The following PCNX2 variants were observed in gnomAD, a reference collection of about 807,000 sequenced individuals.
The protein encoded by PCNX2 is pecanex-like protein 2.
PCNX2 carries 168 observed loss-of-function variants against 223.8 expected under a neutral mutation model. That is an observed-to-expected ratio of 0.75 (90% confidence interval 0.66 to 0.85). The LOEUF (loss-of-function observed/expected upper bound fraction) is 0.85, where lower values mean the gene tolerates loss of function less well. PCNX2 is among the 40% of genes least tolerant of loss of function. The pLI is 0.00. For missense variants in PCNX2, 2,507 were observed against 2,675.5 expected, an observed-to-expected ratio of 0.94 and a Z score of 1.39; for synonymous variants, 1,006 against 1,052.6, an observed-to-expected ratio of 0.96 and a Z score of 0.86.
At chr1:233,238,973 TAA>T (rs1658592223) in intron 8 of PCNX2, among the ~76,000 whole-genome samples, 4 of 152,200 alleles carry the variant, frequency 2.6e-5, no homozygotes, top group Non-Finnish European at 2.9e-5. Context: ...GTTAGATTTA[TAA>T]AAACAATGTT....
At chr1:233,183,358 C>A (rs1424393433) in intron 15 of PCNX2, among the ~76,000 whole-genome samples, 2 of 152,190 alleles carry the variant, frequency 1.3e-5, no homozygotes, top group African/African-American at 2.4e-5. Flanking sequence ...CGGTACCTGG[C>A]ACAAATGTTA....
At chr1:233,103,471 TTCTCTA>T (rs1222141147) in intron 21 of PCNX2, among the ~76,000 whole-genome samples, 2 of 152,252 alleles carry the variant, frequency 1.3e-5, no homozygotes, top group East Asian at 1.9e-4. Flanking sequence ...CATCCTTCTA[TTCTCTA>T]TCTCTAAGAG....
chr1:233,018,306 A>G (rs1445799016), intron 26 of PCNX2, among the ~76,000 whole-genome samples: 30 of 151,972 alleles, frequency 2.0e-4, no homozygotes, highest in Admixed American at 2.0e-3. Flanking sequence ...TACAGGGGTG[A>G]TCCACTGTGC....
In PCNX2 at chr1:233,258,606, C is replaced by G; in HGVS notation, c.1256G>C (p.Gly419Ala). The G allele has an allele frequency of 3.7e-6, 6 of 1,613,958 alleles. No individual in the cohort carries two copies. Among genetic ancestry groups the G allele is most frequent in the Non-Finnish European group, 5.1e-6 (6 of 1,179,868 alleles). Residue 419 changes from glycine to alanine, a missense_variant, in exon 5 of 34, where the codon GGT (glycine) becomes GCT (alanine). Physicochemically the swap from Gly to Ala is moderately conservative, Grantham distance 60. This residue lies in a region of PCNX2 where 1,031 missense variants were observed against 1,021.7 expected (regional missense o/e 1.01). Transcript: ENST00000258229. The stretch of plus-strand genomic sequence containing the variant: ...TGAGATCTGCTCGGCATTTGGAGAA[C>G]CGGCCGCCCCTGGGTTAGTGGGCTC... ...DAEPTNPGAA[G>A]SPNAEQISIP...
chr1:233,145,342 T>G (rs1677379624), intron 19 of PCNX2, among the ~76,000 whole-genome samples: 1 of 152,222 alleles, frequency 6.6e-6, no homozygotes, highest in African/African-American at 2.4e-5. Flanking sequence ...GCTTTATCTT[T>G]CACATTTAGA....
intron 25 of PCNX2, among the ~76,000 whole-genome samples, chr1:233,031,353 TCA>T (rs1671256815): frequency 6.6e-6 from 1 of 152,362 alleles, no homozygotes; most frequent in East Asian, 1.9e-4. Context: ...ATATCATTAT[TCA>T]CAGTGTCTGG....
intron 19 of PCNX2, among the ~76,000 whole-genome samples, chr1:233,141,206 TTCCAA>T (rs1558273962): frequency 6.6e-6 from 1 of 152,182 alleles, no homozygotes; most frequent in Non-Finnish European, 1.5e-5. Context: ...AATTGTCTGT[TTCCAA>T]TCAGCTTCAC....
At chr1:233,228,919 G>A (rs1259577485) in intron 9 of PCNX2, among the ~76,000 whole-genome samples, 1 of 152,126 alleles carries the variant, frequency 6.6e-6, no homozygotes, top group Non-Finnish European at 1.5e-5. Context: ...TTTCCTCTAG[G>A]CTGACAAATA....
chr1:233,210,886 G>A (rs1000178743), intron 12 of PCNX2, among the ~76,000 whole-genome samples: 5 of 152,110 alleles, frequency 3.3e-5, no homozygotes, highest in Admixed American at 6.6e-5. Context: ...GTGCATTTGC[G>A]TTTTCCATCA....
intron 10 of PCNX2, among the ~76,000 whole-genome samples, chr1:233,222,977 T>C (rs574896649): frequency 1.4e-4 from 21 of 152,222 alleles, no homozygotes; most frequent in Non-Finnish European, 1.5e-5. Flanking sequence ...ACTGGCATAT[T>C]AAAAGCCATG....
intron 21 of PCNX2, among the ~76,000 whole-genome samples, chr1:233,128,421 G>A (rs751218254): frequency 2.0e-5 from 3 of 152,010 alleles, no homozygotes; most frequent in Admixed American, 6.6e-5. Context: ...TGTAACCTCC[G>A]CCTCTGGGGT....
Position 233,179,063 on chromosome 1 carries a change from C to T in PCNX2, c.3176+3G>A. On this transcript the variant is annotated splice_donor_region_variant and intron_variant, in intron 16 of 33. Transcript: ENST00000258229. Reference sequence around the variant, plus strand: ...TGAGAGAGCACAGGCATAGACCACTCACATGAGTACAGATGGGTCACTGCT... The same window carrying T: ...TGAGAGAGCACAGGCATAGACCACTTACATGAGTACAGATGGGTCACTGCT... 1 of 1,613,032 alleles carries T rather than the reference C, an allele frequency of 6.2e-7. No homozygotes were observed. The highest frequency in any genetic ancestry group is 8.5e-7 in the Non-Finnish European group (1 of 1,179,306).
In PCNX2 at chr1:233,259,219, C is replaced by A. The variant is rs1243938655; in HGVS notation, c.643G>T (p.Val215Leu). ...LETTTKSVIP[V>L]KPVATETLIN... Reference sequence around the variant, plus strand: ...AGAGTTTCTGTGGCAACTGGTTTTACAGGTATTACTGACTTGGTCGTGGTT... The same window carrying A: ...AGAGTTTCTGTGGCAACTGGTTTTAAAGGTATTACTGACTTGGTCGTGGTT... The change falls in exon 5 of 34, where the codon GTA becomes TTA. Residue 215 changes from valine (V) to leucine (L), a missense_variant. By Grantham distance (32) the Val-to-Leu change is conservative. This residue lies in a region of PCNX2 where 1,031 missense variants were observed against 1,021.7 expected (regional missense o/e 1.01). Transcript: ENST00000258229. 1.9e-6 allele frequency: 3 copies of A among 1,613,768 alleles called. No individual in the cohort carries two copies.
Position 233,139,882 on chromosome 1 carries a change from A to C in PCNX2, c.3518-27T>G, listed in dbSNP as rs759239187. On this transcript the variant is annotated intron_variant, in intron 19 of 33. Transcript: ENST00000258229. This position sits in a 1 kb window ranked among gnomAD's most constrained non-coding sequence, Gnocchi z 4.4. ...TGAAAGAAATATAAAAACCACTTAGAACAACCACCGATCAAAGTATTTTTC... is the reference window on the plus strand; with the variant it reads ...TGAAAGAAATATAAAAACCACTTAGCACAACCACCGATCAAAGTATTTTTC... The C allele has an allele frequency of 5.0e-6, 8 of 1,599,246 alleles. No individual in the cohort carries two copies. The East Asian group carries it at 1.8e-4, about 36-fold the overall frequency.
intron 21 of PCNX2, among the ~76,000 whole-genome samples, chr1:233,130,676 G>T (rs1676441936): frequency 6.6e-6 from 1 of 151,822 alleles, no homozygotes; most frequent in African/African-American, 2.4e-5. Flanking sequence ...GTAGAGACGG[G>T]GTTTCACCAT....
At chr1:233,025,513 A>G (rs1321217905) in intron 25 of PCNX2, 114 bp from the exon 26 acceptor site, 7 of 1,364,764 alleles carry the variant, frequency 5.1e-6, no homozygotes, top group Non-Finnish European at 6.9e-6. Flanking sequence ...GAGTCGAGGA[A>G]TCAGGAAATT....
At chr1:233,050,134 T>C (rs1671948566) in intron 25 of PCNX2, among the ~76,000 whole-genome samples, 1 of 152,042 alleles carries the variant, frequency 6.6e-6, no homozygotes, top group Non-Finnish European at 1.5e-5. Context: ...AAATACCTAA[T>C]GTAGATGATG....
chr1:233,230,103 G>T (rs1456231726), intron 9 of PCNX2, among the ~76,000 whole-genome samples: 1 of 152,086 alleles, frequency 6.6e-6, no homozygotes, highest in African/African-American at 2.4e-5. Flanking sequence ...AACATAACAA[G>T]AGAGAGTTTC....
the PCNX2 span, among the ~76,000 whole-genome samples, chr1:233,323,108 T>G: frequency 6.6e-6 from 1 of 152,082 alleles, no homozygotes; most frequent in Non-Finnish European, 1.5e-5. Flanking sequence ...TAAAAACCTG[T>G]TTTTGGAAGG....
Sources: gnomAD v4.1 joint callset for allele counts (sites outside exome capture counted in the v4.1 genomes callset) on GRCh38, gnomAD v4.1.1 for gene constraint, gnomAD v4.1.1 regional missense constraint, Gnocchi (gnomAD v3.1) non-coding constraint, MANE v1.5 for transcripts, NCBI Gene and HGNC (gene_info 2026-07-23, HGNC 2026-07-21) for gene names.